Variants in SARS1 observed in about 807,000 individuals in gnomAD.
SARS1 encodes the protein serine--tRNA ligase, cytoplasmic.
Under a neutral mutation model 63.7 loss-of-function variants are expected in SARS1, and 25 were observed. That is an observed-to-expected ratio of 0.39 (90% CI 0.29 to 0.55). The LOEUF (loss-of-function observed/expected upper bound fraction) is 0.55. Among genes scored for constraint, SARS1 ranks in the 20% least tolerant of loss-of-function variants. SARS1 has a pLI of 0.62. For missense variants in SARS1, 417 were observed against 649.7 expected (o/e 0.64, Z 3.89); for synonymous variants, 231 against 243.5 (o/e 0.95, Z 0.48).
chr1:109,227,631 G>A (rs1375056271), intron 2 of SARS1, among the ~76,000 whole-genome samples: 2 of 152,108 alleles, frequency 1.3e-5, no homozygotes, highest in African/African-American at 4.8e-5. Context: ...GCCGGGTGCA[G>A]TGGCTCACGC....
chr1:109,214,118 G>A lies in SARS1; in HGVS notation c.126G>A (p.Glu42=), dbSNP rs2101176763. ...LVDQLVKADS[E]WRRCRFRADN... ...ACCAGCTGGTGAAGGCAGACAGCGAGTGGCGACGATGTAAGTACCGGGACG... is the reference window on the plus strand; with the variant it reads ...ACCAGCTGGTGAAGGCAGACAGCGAATGGCGACGATGTAAGTACCGGGACG... The change falls in exon 1 of 11, where the codon GAG becomes GAA. Residue 42 remains glutamate, a synonymous_variant. Transcript: ENST00000234677. This position sits in a 1 kb window ranked among gnomAD's most constrained non-coding sequence, Gnocchi z 4.6. 1.2e-6 allele frequency: 2 copies of A among 1,613,808 alleles called. No individual in the cohort carries two copies. Among genetic ancestry groups the A allele is most frequent in the Non-Finnish European group, 1.7e-6 (2 of 1,179,844 alleles).
chr1:109,216,062 C>G, intron 1 of SARS1: 3 of 985,226 alleles, frequency 3.0e-6, no homozygotes, highest in Non-Finnish European at 3.6e-6. Context: ...CAACCCTTTC[C>G]AATATTCTCT....
chr1:109,236,847 G>C, intron 9 of SARS1: 1 of 1,602,528 alleles, frequency 6.2e-7, no homozygotes, highest in Non-Finnish European at 8.5e-7. Context: ...CAAGTTGGAG[G>C]CTTCCCTCTT....
chr1:109,228,446 C>T lies in SARS1; in HGVS notation c.288+14C>T, dbSNP rs748424074. 25 of 1,559,638 alleles carry T rather than the reference C, an allele frequency of 1.6e-5. No homozygotes were observed. Among genetic ancestry groups the T allele is most frequent in the Admixed American group, 1.5e-4 (9 of 59,038 alleles). ...GACGCTTTAGCTGTAAGTTATAGTT[C>T]TTTTCTAAGTTAGGATCTCTGCTAT... On this transcript the variant is annotated intron_variant, in intron 3 of 10. Coordinates refer to ENST00000234677, the MANE Select transcript of SARS1 (RefSeq NM_006513.4).
chr1:109,235,095 C>A lies in SARS1; in HGVS notation c.748-115C>A. 1.2e-6 allele frequency: 1 copy of A among 801,780 alleles called. No individual in the cohort carries two copies. The highest frequency in any genetic ancestry group is 2.4e-5 in the East Asian group (1 of 40,924). The allele number at this position is 801,780 out of a possible 1,614,324, so 49.7% of individuals were successfully genotyped here. ...TTAGTATTCTCTCCCCACTCCCAGG[C>A]AGGGATTAAAGGAAATTTTTCCTGC... is the stretch of plus-strand genomic sequence containing the variant. On this transcript the variant is annotated intron_variant, in intron 6 of 10. Coordinates refer to ENST00000234677, the MANE Select transcript of SARS1 (RefSeq NM_006513.4). The surrounding 1 kb of genome is among the most constrained non-coding windows in gnomAD (Gnocchi z 4.7).
chr1:109,226,563 A>G (rs1655081331), intron 2 of SARS1, among the ~76,000 whole-genome samples: 1 of 147,660 alleles, frequency 6.8e-6, no homozygotes, highest in African/African-American at 2.5e-5. Flanking sequence ...GCACAAGCAT[A>G]GCTCACCACA....
intron 5 of SARS1, 157 bp from the exon 6 acceptor site, chr1:109,231,474 A>T: frequency 2.0e-6 from 1 of 509,622 alleles, no homozygotes; most frequent in Non-Finnish European, 3.3e-6. Context: ...CTCAAGGTTC[A>T]GAATGTCAGT....
At chr1:109,221,269 C>A (rs151057792) in intron 1 of SARS1, among the ~76,000 whole-genome samples, 4 of 152,066 alleles carry the variant, frequency 2.6e-5, no homozygotes, top group African/African-American at 9.7e-5. Context: ...CCATGTTGGC[C>A]AGGATGGTCT....
chr1:109,238,006 G>A lies in SARS1; in HGVS notation c.*118G>A. 8.8e-7 allele frequency: 1 copy of A among 1,133,566 alleles called. No individual in the cohort carries two copies. The highest frequency in any genetic ancestry group is 2.6e-5 in the East Asian group (1 of 39,028). The allele number at this position is 1,133,566 out of a possible 1,614,324, so 70.2% of individuals were successfully genotyped here. On this transcript the variant is annotated 3_prime_UTR_variant, in exon 11 of 11. Transcript: ENST00000234677. Reference sequence around the variant, plus strand: ...CCCCCTGCCCCCATCTGACTGCGTAGCTGAGAGGGGAACAGTGCCATGTAC... The same window carrying A: ...CCCCCTGCCCCCATCTGACTGCGTAACTGAGAGGGGAACAGTGCCATGTAC...
chr1:109,230,786 C>A, intron 4 of SARS1, 92 bp from the exon 5 acceptor site: 2 of 1,161,312 alleles, frequency 1.7e-6, no homozygotes, highest in Non-Finnish European at 2.4e-6. Context: ...GCCTGGATGA[C>A]GGCGTAAGAC....
chr1:109,222,724 GTT>G (rs1247089796), intron 1 of SARS1, among the ~76,000 whole-genome samples: 1 of 152,150 alleles, frequency 6.6e-6, no homozygotes, highest in African/African-American at 2.4e-5. Flanking sequence ...AAAAGCTTGA[GTT>G]TGGCTGGATG....
In SARS1 at chr1:109,219,437, A is replaced by G. The variant is rs576041615; in HGVS notation, c.137-4541A>G. On this transcript the variant is annotated intron_variant, in intron 1 of 10. Transcript: ENST00000234677. ...CAAAAATAATAGTATTCTTACCTCC[A>G]TCACCATAAATTCCTTTGCCTGATT... Among the ~76,000 whole-genome samples the G allele has an allele frequency of 2.7e-5, 4 of 150,642 alleles. No individual in the cohort carries two copies. The East Asian group carries it at 7.8e-4, about 29-fold the overall frequency.
At chr1:109,236,163 TACCAGCTGAGCTGCC>T (rs1423154747) in intron 8 of SARS1, 57 bp downstream of exon 8, 11 of 1,568,792 alleles carry the variant, frequency 7.0e-6, no homozygotes, top group Non-Finnish European at 9.5e-6. Flanking sequence ...ACGCCACCCT[TACCAGCTGAGCTGCC>T]ACACAGAGAA....
At position 109,214,164 on chromosome 1, in the gene SARS1, C is replaced by A; in HGVS notation, c.136+36C>A. The A allele has an allele frequency of 3.7e-6, 6 of 1,604,582 alleles. No homozygotes were observed. The highest frequency in any genetic ancestry group is 5.1e-6 in the Non-Finnish European group (6 of 1,174,878). Reference sequence around the variant, plus strand: ...GGACGGGCGGGTTACCTCCTTGATGCTAAACCCAATTTTCTCTCTCAAATC... The same window carrying A: ...GGACGGGCGGGTTACCTCCTTGATGATAAACCCAATTTTCTCTCTCAAATC... On this transcript the variant is annotated intron_variant, in intron 1 of 10. Coordinates refer to ENST00000234677, the MANE Select transcript of SARS1 (RefSeq NM_006513.4). The surrounding 1 kb of genome is among the most constrained non-coding windows in gnomAD (Gnocchi z 4.6).
intron 8 of SARS1, 47 bp from the exon 9 acceptor site, chr1:109,236,344 T>G: frequency 6.4e-7 from 1 of 1,553,306 alleles, no homozygotes; most frequent in Non-Finnish European, 8.8e-7. Context: ...GTTAGCCTTC[T>G]GAAATACCAT....
At chr1:109,220,787 G>A (rs918356130) in intron 1 of SARS1, among the ~76,000 whole-genome samples, 27 of 152,166 alleles carry the variant, frequency 1.8e-4, no homozygotes, top group African/African-American at 5.1e-4. Context: ...CACAGAATTT[G>A]TATTCTGTTT....
At chr1:109,228,482 T>C in intron 3 of SARS1, 50 bp downstream of exon 3, 1 of 1,319,766 alleles carries the variant, frequency 7.6e-7, no homozygotes, top group Non-Finnish European at 1.1e-6. Flanking sequence ...TTTGTCTTAA[T>C]TTTATTCCTA....
At chr1:109,216,244 A>G (rs1654782392) in intron 1 of SARS1, 1 of 985,394 alleles carries the variant, frequency 1.0e-6, no homozygotes, top group South Asian at 4.7e-5. Context: ...AAGAACTCAG[A>G]TCATGCTCCC....
chr1:109,225,373 C>T lies in SARS1; in HGVS notation c.207+1325C>T, dbSNP rs566558039. Reference sequence around the variant, plus strand: ...AGTGATATTGATAATCATCCAGTTTCTTTCTGTGGGACTTAGTCATTCGCA... The same window carrying T: ...AGTGATATTGATAATCATCCAGTTTTTTTCTGTGGGACTTAGTCATTCGCA... On this transcript the variant is annotated intron_variant, in intron 2 of 10. Transcript: ENST00000234677. Among the ~76,000 whole-genome samples, 7 of 152,272 alleles carry T rather than the reference C, an allele frequency of 4.6e-5. No individual in the cohort carries two copies. The South Asian group carries it at 1.2e-3, about 27-fold the overall frequency.
Sources: allele counts gnomAD v4.1 joint callset (sites outside exome capture counted in the v4.1 genomes callset), GRCh38; gene constraint gnomAD v4.1.1; non-coding constraint Gnocchi (gnomAD v3.1); transcripts MANE v1.5; gene names NCBI Gene and HGNC (gene_info 2026-07-23, HGNC 2026-07-21).